MACF1: variants seen among roughly 807,000 people sequenced by gnomAD.
The protein encoded by MACF1 is microtubule actin crosslinking factor 1, also known as microtubule-actin cross-linking factor 1.
A neutral mutation model predicts 854.8 loss-of-function variants in MACF1; 193 were observed. The observed-to-expected ratio is 0.23, with a 90% CI of 0.20 to 0.25. MACF1 has a LOEUF of 0.25. MACF1 is among the 10% of genes least tolerant of loss of function. MACF1 has a pLI of 1.00. For synonymous variants in MACF1, 3,185 were observed against 3,226.7 expected, an observed-to-expected ratio of 0.99 and a Z score of 0.44; for missense variants, 7,722 against 8,929.1, an observed-to-expected ratio of 0.86 and a Z score of 5.45.
At chr1:39,143,112 G>A (rs1643382390) in intron 2 of MACF1, among the ~76,000 whole-genome samples, 1 of 152,172 alleles carries the variant, frequency 6.6e-6, no homozygotes, top group Admixed American at 6.5e-5. Flanking sequence ...TGGCAGATCA[G>A]GCTGATTGTG....
Position 39,430,712 on chromosome 1 carries a change from A to C in MACF1, c.17141A>C (p.Lys5714Thr). The change falls in exon 66 of 101, where the codon AAG becomes ACG. Residue 5714 changes from lysine to threonine, a missense_variant. By Grantham distance (78) the Lys-to-Thr change is moderately conservative. Transcript: ENST00000564288. ...CTTTTCCCTCCTTAGGAATTAAAGA[A>C]GGAGGTCATGGAGCACAGGCTGGTG... The part of the protein sequence containing the change: ...QFQQRQKELK[K>T]EVMEHRLVLD... 1.2e-6 allele frequency: 2 copies of C among 1,611,942 alleles called. No individual in the cohort carries two copies. The highest frequency in any genetic ancestry group is 1.7e-6 in the Non-Finnish European group (2 of 1,179,832).
At position 39,332,764 on chromosome 1, in the gene MACF1, C is replaced by T; in HGVS notation, c.6176C>T (p.Thr2059Ile). 6.2e-7 allele frequency: 1 copy of T among 1,614,128 alleles called. No homozygotes were observed. The highest frequency in any genetic ancestry group is 1.1e-5 in the South Asian group (1 of 91,072). The change falls in exon 37 of 101, where the codon ACA becomes ATA. Residue 2059 changes from threonine to isoleucine, a missense_variant. Thr to Ile is a moderately conservative substitution (Grantham distance 89, BLOSUM62 -1). Around this residue, in one of 15 missense-constraint regions of MACF1, gnomAD observed 1,531 missense variants for 1,601.6 expected, o/e 0.96. Transcript: ENST00000564288. ...KEYPDREDCT[T>I]EKGKKTTVET... ...TATCCCGATCGGGAAGATTGCACTA[C>T]AGAAAAAGGCAAAAAGACCACTGTA... is the stretch of plus-strand genomic sequence containing the variant.
intron 2 of MACF1, among the ~76,000 whole-genome samples, chr1:39,166,219 C>T (rs1430001836): frequency 6.6e-6 from 1 of 151,766 alleles, no homozygotes; most frequent in Non-Finnish European, 1.5e-5. Flanking sequence ...AGGCGTGTGC[C>T]ACCATGCTGG....
At chr1:39,463,780 A>G (rs2124083859) in intron 94 of MACF1, 94 bp downstream of exon 94, 4 of 1,096,630 alleles carry the variant, frequency 3.6e-6, no homozygotes, top group Non-Finnish European at 5.5e-6. Flanking sequence ...CCCAGAGCCC[A>G]TCGGACTTGA....
chr1:39,228,552 T>A (rs1644743482), intron 1 of MACF1, among the ~76,000 whole-genome samples: 1 of 152,152 alleles, frequency 6.6e-6, no homozygotes, highest in Non-Finnish European at 1.5e-5. Context: ...AAGATCAAAA[T>A]ATGTTGGAAT....
chr1:39,120,460 G>A (rs1642671808), intron 2 of MACF1, among the ~76,000 whole-genome samples: 1 of 152,040 alleles, frequency 6.6e-6, no homozygotes. Flanking sequence ...TGCATTCTGG[G>A]TTCAAGAGAT....
intron 6 of MACF1, among the ~76,000 whole-genome samples, chr1:39,264,666 T>C (rs944696017): frequency 1.3e-4 from 19 of 140,866 alleles, no homozygotes; most frequent in African/African-American, 4.7e-4. Context: ...GGATTTCTTT[T>C]TTTTTTTTTT....
intron 6 of MACF1, among the ~76,000 whole-genome samples, chr1:39,267,410 T>C (rs766088663): frequency 1.2e-4 from 18 of 152,318 alleles, no homozygotes; most frequent in Non-Finnish European, 2.4e-4. Context: ...TTTTGTATTT[T>C]AGTAGAGACG....
chr1:39,122,763 T>A (rs1642749308), intron 2 of MACF1, among the ~76,000 whole-genome samples: 1 of 152,140 alleles, frequency 6.6e-6, no homozygotes, highest in African/African-American at 2.4e-5. Context: ...TGAGAGTAAA[T>A]AACCCATAGT....
chr1:39,298,428 A>G (rs1426454972), intron 21 of MACF1, among the ~76,000 whole-genome samples: 1 of 152,218 alleles, frequency 6.6e-6, no homozygotes, highest in Non-Finnish European at 1.5e-5. Flanking sequence ...TAGTGAATGT[A>G]TATTACACAG....
rs746858412 is a variant in MACF1, at chr1:39,332,332, AT to A, written c.5745del (p.Asn1915LysfsTer3). ...ESGILDRDLA[N>X]NLKSICIPDV... is the part of the protein sequence containing the mutation. Reference sequence around the variant, plus strand: ...GGTATCCTGGATAGAGATCTTGCCAATAACTTAAAATCGATTTGTATACCTG... The same window carrying A: ...GGTATCCTGGATAGAGATCTTGCCAAAACTTAAAATCGATTTGTATACCTG... On this transcript the variant is annotated frameshift_variant, in exon 37 of 101. Transcript: ENST00000564288. LOFTEE classifies it high-confidence loss of function. 1 of 1,614,066 alleles carries A rather than the reference AT, an allele frequency of 6.2e-7. No homozygotes were observed. The highest frequency in any genetic ancestry group is 1.1e-5 in the South Asian group (1 of 91,086).
Position 39,105,087 on chromosome 1 carries a change from T to G in MACF1, c.220+20649T>G, listed in dbSNP as rs1642189283. Among the ~76,000 whole-genome samples, 1 of 152,118 alleles carries G rather than the reference T, an allele frequency of 6.6e-6. No homozygotes were observed. The highest frequency in any genetic ancestry group is 1.5e-5 in the Non-Finnish European group (1 of 67,990). On this transcript the variant is annotated intron_variant, in intron 2 of 93. Coordinates refer to the MACF1 transcript ENST00000361689. The surrounding 1 kb of genome is among the most constrained non-coding windows in gnomAD (Gnocchi z 5.9). ...CCTGCCGTTCGGCCGGCCCAGCCTT[T>G]CATCCTGACGCGCGGGGCCTCCCAC...
rs1648134424 is a variant in MACF1 at position 39,360,925 on chromosome 1, T to G, written c.12377T>G (p.Val4126Gly). ...LESLLQSIGE[V>G]EQNLEGKQVS... ...AGCCTGTTGCAGTCTATTGGGGAAG[T>G]TGAACAAAACCTGGAAGGGAAGCAG... Residue 4126 changes from valine to glycine, a missense_variant, in exon 48 of 101, where the codon GTT becomes GGT. Physicochemically the swap from Val to Gly is moderately radical, Grantham distance 109. Transcript: ENST00000564288. The G allele has an allele frequency of 1.2e-6, 2 of 1,613,850 alleles. No homozygotes were observed. Among genetic ancestry groups the G allele is most frequent in the Admixed American group, 3.3e-5 (2 of 59,978 alleles).
intron 58 of MACF1, among the ~76,000 whole-genome samples, chr1:39,406,903 C>G (rs1402831373): frequency 6.6e-6 from 1 of 152,094 alleles, no homozygotes; most frequent in East Asian, 1.9e-4. Context: ...GGGATATTTG[C>G]TAGTAAAATT....
At chr1:39,351,148 C>G (rs1433835638) in intron 43 of MACF1, 130 bp downstream of exon 43, 2 of 658,158 alleles carry the variant, frequency 3.0e-6, no homozygotes, top group African/African-American at 3.7e-5. Context: ...ACTTCAGGAG[C>G]TAGTCTGGTT....
chr1:39,233,808 T>TTTTTTTTTTTGTTTTTTTTTTTTTTTA (rs755591226), intron 2 of MACF1, among the ~76,000 whole-genome samples: 1 of 65,772 alleles, frequency 1.5e-5, no homozygotes, highest in Non-Finnish European at 3.3e-5. Context: ...ATTTATTTTT[T>TTTTTTTTTTTGTTTTTTTTTTTTTTTA]ATTGATAATT....
Position 39,283,568 on chromosome 1 carries a change from A to C in MACF1, c.915+53A>C, listed in dbSNP as rs1037350826. 3.8e-6 allele frequency: 5 copies of C among 1,299,742 alleles called. No individual in the cohort carries two copies. In the Admixed American group the frequency reaches 8.5e-5, roughly 22 times the overall value. 80.5% of individuals were successfully genotyped at this position (1,299,742 alleles called of 1,614,324 possible). A position where few individuals can be genotyped will look rare whatever the true frequency, so the allele number is the denominator to read the frequency against. On this transcript the variant is annotated intron_variant, in intron 9 of 100. Transcript: ENST00000564288. This position sits in a 1 kb window ranked among gnomAD's most constrained non-coding sequence, Gnocchi z 4.5. ...TCTGACTTTGATTCATTTGGGTGAA[A>C]TGCATTGGTTAGACACTTTCTTAAG...
chr1:39,393,498 C>T (rs891262601), intron 58 of MACF1, among the ~76,000 whole-genome samples: 2 of 151,878 alleles, frequency 1.3e-5, no homozygotes, highest in Non-Finnish European at 2.9e-5. Context: ...ACTTGGCATT[C>T]TACCTCTCAG....
In MACF1 at chr1:39,378,452, T is replaced by C; in HGVS notation, c.13214-9T>C. The C allele has an allele frequency of 6.2e-7, 1 of 1,613,048 alleles. No individual in the cohort carries two copies. Among genetic ancestry groups the C allele is most frequent in the Non-Finnish European group, 8.5e-7 (1 of 1,178,982 alleles). ...CTTGCCCTGTTTGTCTCCCTGTCCT[T>C]CTGCTCAGGTTCCATACTGCCCTCT... is the stretch of plus-strand genomic sequence containing the variant. On this transcript the variant is annotated splice_polypyrimidine_tract_variant and intron_variant, in intron 52 of 100. Transcript: ENST00000564288.
Sources: gnomAD v4.1 joint callset for allele counts (sites outside exome capture counted in the v4.1 genomes callset) on GRCh38, gnomAD v4.1.1 for gene constraint, gnomAD v4.1.1 regional missense constraint, Gnocchi (gnomAD v3.1) non-coding constraint, MANE v1.5 for transcripts, NCBI Gene and HGNC (gene_info 2026-07-23, HGNC 2026-07-21) for gene names.